Variants in VDR observed in about 807,000 individuals in gnomAD.
VDR encodes vitamin D receptor, also known as vitamin D3 receptor.
A neutral mutation model predicts 39.7 loss-of-function variants in VDR; 19 were observed. The ratio of observed to expected loss-of-function variants is 0.48; its 90% confidence interval spans 0.33 to 0.70. VDR has a LOEUF of 0.70. Among genes scored for constraint, VDR ranks in the 30% least tolerant of loss-of-function variants. VDR has a pLI of 0.02. For missense variants in VDR, 442 were observed against 570.5 expected, an observed-to-expected ratio of 0.77 and a Z score of 2.29; for synonymous variants, 242 against 215.8, an observed-to-expected ratio of 1.12 and a Z score of -1.07.
chr12:47,878,338 C>T (rs1013231919), intron 3 of VDR, among the ~76,000 whole-genome samples: 1 of 152,182 alleles, frequency 6.6e-6, no homozygotes, highest in Non-Finnish European at 1.5e-5. Flanking sequence ...TTTTCCCACA[C>T]CTTTCACATC....
At chr12:47,903,656 A>G (rs1946611225) in intron 1 of VDR, among the ~76,000 whole-genome samples, 1 of 152,062 alleles carries the variant, frequency 6.6e-6, no homozygotes, top group South Asian at 2.1e-4. Flanking sequence ...TGCCAACACC[A>G]TGACTTCTCT....
intron 1 of VDR, among the ~76,000 whole-genome samples, chr12:47,887,395 T>G (rs1946278585): frequency 6.7e-6 from 1 of 150,340 alleles, no homozygotes; most frequent in Non-Finnish European, 1.5e-5. Flanking sequence ...TTTCTAAGAC[T>G]CTTAGACTTT....
chr12:47,860,761 G>A (rs1023941087), intron 4 of VDR, among the ~76,000 whole-genome samples: 3 of 152,130 alleles, frequency 2.0e-5, no homozygotes. Flanking sequence ...ACTATGCGTT[G>A]TCTTCTTATT....
At chr12:47,855,410 C>T (rs568605659) in intron 7 of VDR, among the ~76,000 whole-genome samples, 135 of 152,082 alleles carry the variant, frequency 8.9e-4, no homozygotes, top group African/African-American at 3.2e-3. Context: ...ATCCCAGCTA[C>T]TTGGGAGGTT....
In VDR at chr12:47,879,138, A is replaced by C. The variant is rs772593227; in HGVS notation, c.-2-23T>G. 3 of 1,611,782 alleles carry C rather than the reference A, an allele frequency of 1.9e-6. No individual in the cohort carries two copies. In the African/African-American group the frequency reaches 4.0e-5, roughly 21 times the overall value. ...TCCCTGTAAGAACAGCAAGCAGGCC[A>C]CGGTCAGAGCCAGAGTCAGTGCCAG... On this transcript the variant is annotated intron_variant, in intron 2 of 9. Transcript: ENST00000549336.
chr12:47,879,587 G>A (rs895722111), intron 2 of VDR, among the ~76,000 whole-genome samples: 14 of 152,118 alleles, frequency 9.2e-5, no homozygotes, highest in African/African-American at 2.9e-4. Flanking sequence ...CTCAGCCTCA[G>A]CACCTACATG....
At chr12:47,846,314 C>T (rs1945278078) in intron 9 of VDR, 21 bp downstream of exon 9, 1 of 1,602,972 alleles carries the variant, frequency 6.2e-7, no homozygotes, top group Non-Finnish European at 8.5e-7. Flanking sequence ...TCCCTGAGCT[C>T]CTCCCTGCCT....
At chr12:47,860,583 C>T (rs982370539) in intron 4 of VDR, among the ~76,000 whole-genome samples, 20 of 152,204 alleles carry the variant, frequency 1.3e-4, no homozygotes, top group Non-Finnish European at 2.6e-4. Flanking sequence ...TATAACCTTT[C>T]CCTGATGATT....
chr12:47,855,497 G>C (rs147052214), intron 7 of VDR, 133 bp downstream of exon 7: 6 of 1,092,056 alleles, frequency 5.5e-6, no homozygotes, highest in Non-Finnish European at 7.9e-6. Context: ...TCCAGCCTGC[G>C]TGACAGAGCA....
intron 3 of VDR, among the ~76,000 whole-genome samples, chr12:47,877,243 C>G (rs1946026699): frequency 6.6e-6 from 1 of 152,114 alleles, no homozygotes; most frequent in Admixed American, 6.5e-5. Context: ...CACAAACACA[C>G]ACACACACGA....
chr12:47,867,875 C>T (rs932915657), intron 3 of VDR, among the ~76,000 whole-genome samples: 11 of 152,198 alleles, frequency 7.2e-5, no homozygotes, highest in African/African-American at 2.2e-4. Context: ...GAATCGCACT[C>T]ATCAATTGTC....
chr12:47,856,893 G>A (rs1158798061), intron 6 of VDR, among the ~76,000 whole-genome samples: 1 of 152,256 alleles, frequency 6.6e-6, no homozygotes, highest in Non-Finnish European at 1.5e-5. Context: ...GGCCCGGGAG[G>A]CTGATGCTAC....
At chr12:47,882,623 G>GGCCCCGGGGCCCCCCC in intron 2 of VDR, 71 bp downstream of exon 2, 4 of 543,274 alleles carry the variant, frequency 7.4e-6, no homozygotes, top group Middle Eastern at 4.9e-4. Context: ...ACCTTCTTAT[G>GGCCCCGGGGCCCCCCC]CCCCTCCCCC....
intron 7 of VDR, among the ~76,000 whole-genome samples, chr12:47,850,696 G>T (rs1054610709): frequency 3.3e-5 from 5 of 152,146 alleles, no homozygotes; most frequent in Non-Finnish European, 1.5e-5. Flanking sequence ...AAGAGAGCTT[G>T]TTCCACGATG....
chr12:47,889,080 A>AT lies in VDR; in HGVS notation c.-83-6307dup, dbSNP rs550496165. 5.5e-4 allele frequency among the ~76,000 whole-genome samples: 84 copies of AT among 152,230 alleles called. No homozygotes were observed. In the South Asian group the frequency reaches 9.7e-3, roughly 18 times the overall value. ...AAAAGAAAAAATTCTAAGAAAGTCA[A>AT]TAAAAACAAGAGAGGAGAAGTATAC... On this transcript the variant is annotated intron_variant, in intron 1 of 9. Transcript: ENST00000549336.
chr12:47,895,284 CT>C (rs1307749243), intron 1 of VDR, among the ~76,000 whole-genome samples: 2 of 151,996 alleles, frequency 1.3e-5, no homozygotes, highest in Admixed American at 1.3e-4. Context: ...AAACTTTCTC[CT>C]TTTTTTTGTG....
chr12:47,847,387 C>T (rs1255683452), intron 7 of VDR, among the ~76,000 whole-genome samples: 1 of 152,120 alleles, frequency 6.6e-6, no homozygotes, highest in African/African-American at 2.4e-5. Context: ...CTTACCACTG[C>T]TGCAGGTCAA....
chr12:47,878,670 A>G (rs1359448686), intron 3 of VDR: 5 of 473,690 alleles, frequency 1.1e-5, no homozygotes, highest in Non-Finnish European at 1.6e-5. Context: ...CTCTGGAAGG[A>G]TGGACACGTG....
At chr12:47,878,865 T>C in intron 3 of VDR, 103 bp downstream of exon 3, 1 of 1,581,200 alleles carries the variant, frequency 6.3e-7, no homozygotes, top group Non-Finnish European at 8.6e-7. Context: ...TCCATGGACA[T>C]TGTAAGGAAG....
Sources: gnomAD v4.1 joint callset for allele counts (sites outside exome capture counted in the v4.1 genomes callset) on GRCh38, gnomAD v4.1.1 for gene constraint, MANE v1.5 for transcripts, NCBI Gene and HGNC (gene_info 2026-07-23, HGNC 2026-07-21) for gene names.